Variants in CLCN5 observed in about 807,000 individuals in gnomAD.
CLCN5 encodes the protein Cl-/H+ antiporter 5.
CLCN5 carries 17 observed loss-of-function variants against 54.0 expected under a neutral mutation model. The observed-to-expected ratio is 0.31, with a 90% confidence interval of 0.22 to 0.47. CLCN5 has a LOEUF of 0.47. Among genes scored for constraint, CLCN5 ranks in the 20% least tolerant of loss-of-function variants. The probability of loss-of-function intolerance (pLI) is 1.00; values close to 1 mark genes in which losing one functional copy is unlikely to be tolerated. For synonymous variants in CLCN5, 222 were observed against 233.0 expected (o/e 0.95, Z 0.43); for missense variants, 448 against 646.7 (o/e 0.69, Z 3.33).
At chrX:50,019,489 T>TTTTTTA (rs1930975324) in intron 3 of CLCN5, among the ~76,000 whole-genome samples, 1 of 76,189 alleles carries the variant, frequency 1.3e-5, no homozygotes, top group African/African-American at 5.5e-5. Flanking sequence ...TTTTTTTTTT[T>TTTTTTA]ATTATACTCT....
At chrX:49,992,843 A>G (rs1307262547) in intron 3 of CLCN5, among the ~76,000 whole-genome samples, 1 of 111,875 alleles carries the variant, frequency 8.9e-6, no homozygotes, top group Non-Finnish European at 1.9e-5. Flanking sequence ...TCCTTGGTTT[A>G]TAAAGTAGTT....
At chrX:49,973,353 G>A (rs1335709051) in intron 3 of CLCN5, among the ~76,000 whole-genome samples, 3 of 111,170 alleles carry the variant, frequency 2.7e-5, no homozygotes, top group Non-Finnish European at 5.7e-5. Flanking sequence ...TAGTTTTAAT[G>A]TATTTTTTAA....
chrX:49,951,267 G>A (rs782396019), intron 3 of CLCN5, among the ~76,000 whole-genome samples: 2 of 111,946 alleles, frequency 1.8e-5, no homozygotes, highest in African/African-American at 6.5e-5. Context: ...CTTATATCAT[G>A]TACATGAGAC....
intron 3 of CLCN5, among the ~76,000 whole-genome samples, chrX:50,008,165 C>G (rs782749442): frequency 2.5e-4 from 28 of 112,314 alleles, no homozygotes; most frequent in African/African-American, 9.0e-4. Flanking sequence ...CATAGTCACA[C>G]AAAGCATTTG....
rs138829053 is a variant in CLCN5, at chrX:50,074,545, C to T, written c.416-1250C>T. ...ATAGAAGGCAGAGAAGATTGTGGAC[C>T]GGAGTGGCCAAGAGTAGGTGTCAAA... On this transcript the variant is annotated intron_variant, in intron 6 of 14. Coordinates refer to ENST00000376091, the MANE Select transcript of CLCN5 (RefSeq NM_001127898.4). Among the ~76,000 whole-genome samples the T allele has an allele frequency of 2.0e-3, 222 of 111,868 alleles. 1 individual carries two copies. The highest frequency in any genetic ancestry group is 6.6e-3 in the African/African-American group (204 of 30,789).
intron 6 of CLCN5, among the ~76,000 whole-genome samples, chrX:50,074,173 A>G (rs1933323090): frequency 8.9e-6 from 1 of 112,354 alleles, no homozygotes. Flanking sequence ...TAATTGCATT[A>G]CTTTTAATGG....
At chrX:50,004,443 G>T (rs375293418) in intron 3 of CLCN5, among the ~76,000 whole-genome samples, 3 of 111,282 alleles carry the variant, frequency 2.7e-5, no homozygotes, top group South Asian at 3.8e-4. Flanking sequence ...ATCAAATAGG[G>T]TAGTCAGGAA....
At chrX:50,053,063 A>T (rs1228361535) in intron 4 of CLCN5, among the ~76,000 whole-genome samples, 1 of 111,703 alleles carries the variant, frequency 9.0e-6, no homozygotes, top group Non-Finnish European at 1.9e-5. Context: ...ACTTTGTATG[A>T]TTTTTAATCT....
At chrX:50,046,510 G>T (rs1484683958) in intron 4 of CLCN5, among the ~76,000 whole-genome samples, 1 of 111,501 alleles carries the variant, frequency 9.0e-6, no homozygotes, top group Non-Finnish European at 1.9e-5. Flanking sequence ...GAGTCTGTGG[G>T]TTTGAGGTCT....
chrX:50,009,981 G>A (rs1930411448), intron 3 of CLCN5, among the ~76,000 whole-genome samples: 1 of 110,989 alleles, frequency 9.0e-6, no homozygotes, highest in Non-Finnish European at 1.9e-5. Flanking sequence ...TGCCTTCCTG[G>A]ATATTATAGC....
chrX:50,027,150 G>A (rs1931447903), intron 3 of CLCN5, among the ~76,000 whole-genome samples: 1 of 109,375 alleles, frequency 9.1e-6, no homozygotes, highest in Non-Finnish European at 1.9e-5. Flanking sequence ...GAGTAGCTGG[G>A]AGTACAGGTG....
intron 4 of CLCN5, among the ~76,000 whole-genome samples, chrX:50,058,541 A>G (rs1932802894): frequency 9.0e-6 from 1 of 111,295 alleles, no homozygotes; most frequent in Non-Finnish European, 1.9e-5. Context: ...ACATTCATTT[A>G]TATGCCTCCT....
chrX:50,080,836 GAGGCCA>G, intron 8 of CLCN5, 120 bp downstream of exon 8: 1 of 629,420 alleles, frequency 1.6e-6, no homozygotes, highest in Non-Finnish European at 2.6e-6. Flanking sequence ...ATCAGATCCT[GAGGCCA>G]TCTAAGACCT....
At chrX:50,053,023 T>C (rs1932639945) in intron 4 of CLCN5, among the ~76,000 whole-genome samples, 1 of 112,084 alleles carries the variant, frequency 8.9e-6, no homozygotes, top group South Asian at 3.7e-4. Context: ...AATTAATCTC[T>C]AGTTTAATTC....
chrX:50,057,360 C>T (rs971283333), intron 4 of CLCN5, among the ~76,000 whole-genome samples: 4 of 100,021 alleles, frequency 4.0e-5, no homozygotes, highest in Non-Finnish European at 6.2e-5. Context: ...TAAGAGTACA[C>T]TAAAGCATAA....
intron 3 of CLCN5, among the ~76,000 whole-genome samples, chrX:49,990,836 A>G (rs1472627700): frequency 8.9e-6 from 1 of 112,461 alleles, no homozygotes; most frequent in Non-Finnish European, 1.9e-5. Flanking sequence ...AACTTTACTT[A>G]GAATAATGGT....
At chrX:50,036,372 G>A (rs782423813) in intron 3 of CLCN5, among the ~76,000 whole-genome samples, 3 of 111,910 alleles carry the variant, frequency 2.7e-5, no homozygotes, top group Admixed American at 9.5e-5. Flanking sequence ...CTAAAAGGAC[G>A]CTTTATAACC....
chrX:49,922,873 A>T (rs1231626874), intron 1 of CLCN5, 81 bp downstream of exon 1: 3 of 111,843 alleles, frequency 2.7e-5, no homozygotes, highest in African/African-American at 9.7e-5. Context: ...AGCACCCCCT[A>T]AGCGCAGCGA....
chrX:50,064,390 T>G, intron 4 of CLCN5, among the ~76,000 whole-genome samples: 1 of 89,029 alleles, frequency 1.1e-5, no homozygotes, highest in Middle Eastern at 5.5e-3. Flanking sequence ...AGCCAAATCA[T>G]GAGTGAACTC....
Sources: allele counts gnomAD v4.1 joint callset (sites outside exome capture counted in the v4.1 genomes callset), GRCh38; gene constraint gnomAD v4.1.1; transcripts MANE v1.5; gene names NCBI Gene and HGNC (gene_info 2026-07-23, HGNC 2026-07-21).